The following HDAC9 variants were observed in gnomAD, a reference collection of about 807,000 sequenced individuals.
HDAC9 encodes histone deacetylase 9, also known as MEF-2 interacting transcription repressor (MITR) protein.
Under a neutral mutation model 139.4 loss-of-function variants are expected in HDAC9, and 41 were observed. That is an observed-to-expected ratio of 0.29 (90% CI 0.23 to 0.38). The LOEUF is 0.38. Among genes scored for constraint, HDAC9 ranks in the 10% least tolerant of loss-of-function variants. The probability of loss-of-function intolerance (pLI) is 1.00; values close to 1 mark genes in which losing one functional copy is unlikely to be tolerated. For synonymous variants in HDAC9, 517 were observed against 476.2 expected (o/e 1.09, Z -1.12); for missense variants, 1,147 against 1,297.0 (o/e 0.88, Z 1.78).
chr7:18,476,043 T>G (rs181162421), intron 1 of HDAC9, among the ~76,000 whole-genome samples: 8 of 152,358 alleles, frequency 5.3e-5, no homozygotes, highest in Non-Finnish European at 7.3e-5. Context: ...ATTGCATGTT[T>G]GGTCTCCATT....
At chr7:18,204,188 T>G (rs910508753) in intron 2 of HDAC9, among the ~76,000 whole-genome samples, 2 of 152,124 alleles carry the variant, frequency 1.3e-5, no homozygotes, top group Non-Finnish European at 2.9e-5. Flanking sequence ...GATATTCCAT[T>G]ATATTTATGA....
intron 13 of HDAC9, among the ~76,000 whole-genome samples, chr7:18,732,745 A>G (rs1215961852): frequency 2.3e-5 from 2 of 88,808 alleles, no homozygotes; most frequent in Non-Finnish European, 2.0e-5. Context: ...ATGTGTGCGT[A>G]TGTGTACACA....
At chr7:18,443,692 A>G (rs867049339) in intron 1 of HDAC9, among the ~76,000 whole-genome samples, 1 of 152,056 alleles carries the variant, frequency 6.6e-6, no homozygotes, top group Non-Finnish European at 1.5e-5. Context: ...ACCACCCTTC[A>G]TTTGTAAAAT....
chr7:18,603,143 T>G (rs1186430528), intron 6 of HDAC9, among the ~76,000 whole-genome samples: 1 of 152,124 alleles, frequency 6.6e-6, no homozygotes, highest in Non-Finnish European at 1.5e-5. Context: ...CTGTTTAGTG[T>G]GAACATGTTA....
intron 2 of HDAC9, among the ~76,000 whole-genome samples, chr7:18,539,038 T>G (rs1401284177): frequency 6.6e-6 from 1 of 152,156 alleles, no homozygotes; most frequent in East Asian, 1.9e-4. Context: ...TCTACCCTGA[T>G]GACCTTATCT....
intron 22 of HDAC9, among the ~76,000 whole-genome samples, chr7:18,906,315 T>G (rs1195815872): frequency 6.6e-6 from 1 of 152,030 alleles, no homozygotes; most frequent in Non-Finnish European, 1.5e-5. Context: ...TGGCTAATTT[T>G]TGTATTTTTA....
rs184694600 is a variant in HDAC9, at chr7:18,900,141, G to T, written c.2803+25545G>T. On this transcript the variant is annotated intron_variant, in intron 22 of 25. Transcript: ENST00000686413. ...ATGTATGAATACATACAAGAATTTT[G>T]CTTTAATTGTGATACTCTTAATTTC... Among the ~76,000 whole-genome samples the T allele has an allele frequency of 2.6e-4, 40 of 152,114 alleles. No individual in the cohort carries two copies. The East Asian group carries it at 6.0e-3, about 23-fold the overall frequency.
chr7:18,382,093 GGTAGACCAAAGGAGAAAACCTAC>G (rs1238529263), intron 1 of HDAC9, among the ~76,000 whole-genome samples: 3 of 151,702 alleles, frequency 2.0e-5, no homozygotes, highest in Non-Finnish European at 4.4e-5. Flanking sequence ...AAATCATCTT[GGTAGACCAAAGGAGAAAACCTAC>G]GTGGTATTTT....
At chr7:18,661,793 C>T (rs1231708028) in intron 11 of HDAC9, among the ~76,000 whole-genome samples, 3 of 152,046 alleles carry the variant, frequency 2.0e-5, no homozygotes, top group Non-Finnish European at 4.4e-5. Context: ...CCCATGTTTC[C>T]TTTGATAGAT....
intron 1 of HDAC9, among the ~76,000 whole-genome samples, chr7:18,338,600 T>G (rs1444954467): frequency 2.6e-5 from 4 of 151,648 alleles, no homozygotes; most frequent in Admixed American, 1.3e-4. Context: ...CATCTTTTAT[T>G]TATTGATTTT....
At chr7:18,901,883 T>C (rs1416737993) in intron 22 of HDAC9, among the ~76,000 whole-genome samples, 2 of 152,214 alleles carry the variant, frequency 1.3e-5, no homozygotes, top group East Asian at 3.8e-4. Flanking sequence ...CAAGAGTATG[T>C]CATATTATTA....
At chr7:18,659,610 A>C (rs1440854313) in intron 11 of HDAC9, among the ~76,000 whole-genome samples, 1 of 152,120 alleles carries the variant, frequency 6.6e-6, no homozygotes, top group Non-Finnish European at 1.5e-5. Context: ...CCCAATTGCT[A>C]TACAGTAGCA....
rs577613051 is a variant in HDAC9, at chr7:18,411,377, C to A, written c.-41-84885C>A. On this transcript the variant is annotated intron_variant, in intron 1 of 3. Transcript: ENST00000413509. The stretch of plus-strand genomic sequence containing the variant: ...TCAATAAATTACATGAAATATTAGA[C>A]TTCTTTTCTTTTTTTGAGATGGAGT... Among the ~76,000 whole-genome samples the A allele has an allele frequency of 7.2e-5, 11 of 152,168 alleles. No individual in the cohort carries two copies. In the East Asian group the frequency reaches 1.7e-3, roughly 24 times the overall value.
chr7:18,094,012 A>G (rs1258668757), intron 1 of HDAC9, among the ~76,000 whole-genome samples: 1 of 152,174 alleles, frequency 6.6e-6, no homozygotes. Context: ...CCAGCACAGT[A>G]TGAGGAAGCC....
At chr7:18,738,692 AC>A (rs1787159410) in intron 13 of HDAC9, among the ~76,000 whole-genome samples, 1 of 152,046 alleles carries the variant, frequency 6.6e-6, no homozygotes, top group African/African-American at 2.4e-5. Flanking sequence ...TGCCCTTAAC[AC>A]TTTTTCCTTC....
At chr7:18,764,133 G>T (rs1295297428) in intron 15 of HDAC9, among the ~76,000 whole-genome samples, 1 of 152,004 alleles carries the variant, frequency 6.6e-6, no homozygotes, top group Non-Finnish European at 1.5e-5. Context: ...ATTTTAAAAT[G>T]AAATTCCATT....
At chr7:18,331,334 A>C (rs1250966404) in intron 1 of HDAC9, among the ~76,000 whole-genome samples, 1 of 151,678 alleles carries the variant, frequency 6.6e-6, no homozygotes, top group Non-Finnish European at 1.5e-5. Context: ...GATATGGCAT[A>C]ATGAAAAATC....
chr7:18,305,161 GC>G (rs1316116234), intron 1 of HDAC9, among the ~76,000 whole-genome samples: 1 of 151,880 alleles, frequency 6.6e-6, no homozygotes, highest in African/African-American at 2.4e-5. Context: ...TTCCTCCATA[GC>G]CCACTTTTTA....
intron 1 of HDAC9, among the ~76,000 whole-genome samples, chr7:18,113,219 A>G (rs1358681192): frequency 2.6e-5 from 4 of 152,194 alleles, no homozygotes; most frequent in Admixed American, 1.3e-4. Context: ...AGAAGCTCAG[A>G]AAGATATCAG....
Sources: gnomAD v4.1 joint callset for allele counts (sites outside exome capture counted in the v4.1 genomes callset) on GRCh38, gnomAD v4.1.1 for gene constraint, MANE v1.5 for transcripts, NCBI Gene and HGNC (gene_info 2026-07-23, HGNC 2026-07-21) for gene names.